The following COL6A3 variants were observed in gnomAD, a reference collection of about 807,000 sequenced individuals.
The protein encoded by COL6A3 is collagen type VI alpha 3 chain, also known as collagen alpha-3(VI) chain.
COL6A3 carries 137 observed loss-of-function variants against 274.1 expected under a neutral mutation model. That is an observed-to-expected ratio of 0.50 (90% CI 0.44 to 0.58). The LOEUF is 0.58. Ranked by LOEUF, COL6A3 falls within the 20% of genes least tolerant of loss-of-function variation. The probability of loss-of-function intolerance (pLI) is 0.00; values close to 1 mark genes in which losing one functional copy is unlikely to be tolerated. For synonymous variants in COL6A3, 1,650 were observed against 1,650.6 expected, an observed-to-expected ratio of 1.00 and a Z score of 0.01; for missense variants, 3,950 against 4,124.9, an observed-to-expected ratio of 0.96 and a Z score of 1.16.
chr2:237,361,068 G>T lies in COL6A3; in HGVS notation c.6210+53C>A. ...GAAATCCACAATGCAATCCCAATGG[G>T]TAAGGATCAAGGAGGGGGTGAAATT... On this transcript the variant is annotated intron_variant, in intron 16 of 43. Transcript: ENST00000295550. This position sits in a 1 kb window ranked among gnomAD's most constrained non-coding sequence, Gnocchi z 5.1. The T allele has an allele frequency of 7.1e-7, 1 of 1,418,196 alleles. No individual in the cohort carries two copies. Among genetic ancestry groups the T allele is most frequent in the Non-Finnish European group, 1.0e-6 (1 of 1,001,336 alleles). The allele number at this position is 1,418,196 out of a possible 1,614,324, so 87.9% of individuals were successfully genotyped here.
At chr2:237,396,629 G>T in intron 2 of COL6A3, 98 bp downstream of exon 2, 1 of 1,232,602 alleles carries the variant, frequency 8.1e-7, no homozygotes, top group Non-Finnish European at 1.2e-6. Context: ...GCTACCTTAA[G>T]AACATATCTA....
At chr2:237,406,846 C>T (rs1004067537) in intron 1 of COL6A3, among the ~76,000 whole-genome samples, 9 of 151,172 alleles carry the variant, frequency 6.0e-5, no homozygotes, top group Non-Finnish European at 1.3e-4. Context: ...AGAAATATAG[C>T]AAATTTTGTT....
rs1288624074 is a variant in COL6A3, at chr2:237,336,424, G to T, written c.8676C>A (p.Thr2892=). 17 of 1,613,560 alleles carry T rather than the reference G, an allele frequency of 1.1e-5. No individual in the cohort carries two copies. Among genetic ancestry groups the T allele is most frequent in the Non-Finnish European group, 1.4e-5 (17 of 1,180,034 alleles). ...TTATAATAGTCACAGGCTTTGTTGT[G>T]GTGGTTACAGGCTTTGTTGTGGTGG... ...PVTTTTKPVT[T]TTKPVTIINQ... The change falls in exon 40 of 44, where the codon ACC becomes ACA. Residue 2892 remains threonine (T), a synonymous_variant. Transcript: ENST00000295550.
rs146131332 is a variant in COL6A3, at chr2:237,340,479, C to T, written c.8437G>A (p.Gly2813Arg). Residue 2813 changes from glycine to arginine, a missense_variant, in exon 38 of 44, where the codon GGG (glycine) becomes AGG (arginine). This residue lies in a region of COL6A3 where 1,284 missense variants were observed against 1,349.7 expected (regional missense o/e 0.95). Coordinates refer to ENST00000295550, the MANE Select transcript of COL6A3 (RefSeq NM_004369.4). Reference sequence around the variant, plus strand: ...CTGACGAAGGATGGCAACAGCCTCCCGAAGCGCATCAAAGGCTCCTCGTTG... The same window carrying T: ...CTGACGAAGGATGGCAACAGCCTCCTGAAGCGCATCAAAGGCTCCTCGTTG... ...ELNEEPLMRFGRLLPSFVSSE... is the reference protein window; with the variant it reads ...ELNEEPLMRFRRLLPSFVSSE... 16 of 1,613,602 alleles carry T rather than the reference C, an allele frequency of 9.9e-6. No homozygotes were observed. Among genetic ancestry groups the T allele is most frequent in the South Asian group, 1.1e-5 (1 of 91,076 alleles).
chr2:237,336,140 G>C lies in COL6A3; in HGVS notation c.8960C>G (p.Pro2987Arg), dbSNP rs1346931957. Reference protein sequence around the residue: ...PAATKPATTKPMVKMSREVQV... With the variant: ...PAATKPATTKRMVKMSREVQV... Reference sequence around the variant, plus strand: ...CCTAGCAAGGGCTTTCTTACCCATGGGCTTAGTGGTGGCTGGCTTGGTGGC... The same window carrying C: ...CCTAGCAAGGGCTTTCTTACCCATGCGCTTAGTGGTGGCTGGCTTGGTGGC... The change falls in exon 40 of 44, where the codon CCC (proline) becomes CGC (arginine). Residue 2987 changes from proline to arginine, a missense_variant. Physicochemically the swap from Pro to Arg is moderately radical, Grantham distance 103 (BLOSUM62 -2). Coordinates refer to ENST00000295550, the MANE Select transcript of COL6A3 (RefSeq NM_004369.4). The C allele has an allele frequency of 6.2e-7, 1 of 1,613,630 alleles. No individual in the cohort carries two copies. The highest frequency in any genetic ancestry group is 1.1e-5 in the South Asian group (1 of 91,076).
In COL6A3 at chr2:237,381,422, T is replaced by C; in HGVS notation, c.1390A>G (p.Ile464Val). ...ATGACTTTAGCAATGAAGTCTCGGA[T>C]GGCATTGAAGTTGGCCAGTCCCAGT... ...SALGLANFNA[I>V]RDFIAKVIQR... The change falls in exon 5 of 44, where the codon ATC (isoleucine) becomes GTC (valine). Residue 464 changes from isoleucine (I) to valine (V), a missense_variant. Around this residue, in one of 5 missense-constraint regions of COL6A3, gnomAD observed 1,934 missense variants for 1,984.3 expected, o/e 0.97. Coordinates refer to ENST00000295550, the MANE Select transcript of COL6A3 (RefSeq NM_004369.4). The C allele has an allele frequency of 6.2e-7, 1 of 1,613,090 alleles. No homozygotes were observed. The highest frequency in any genetic ancestry group is 1.7e-5 in the Admixed American group (1 of 60,026).
In COL6A3 at chr2:237,364,497, C is replaced by G. The variant is rs1162684344; in HGVS notation, c.5839-69G>C. The G allele has an allele frequency of 8.3e-7, 1 of 1,210,544 alleles. No individual in the cohort carries two copies. The highest frequency in any genetic ancestry group is 1.2e-6 in the Non-Finnish European group (1 of 816,008). The allele number at this position is 1,210,544 out of a possible 1,614,324, so 75.0% of individuals were successfully genotyped here. ...AGTGTTGCAGACTGCTGATAGAAAA[C>G]TGAGAGACTCGCTGTCTCAAGCCCT... On this transcript the variant is annotated intron_variant, in intron 12 of 43. Coordinates refer to ENST00000295550, the MANE Select transcript of COL6A3 (RefSeq NM_004369.4). This position sits in a 1 kb window ranked among gnomAD's most constrained non-coding sequence, Gnocchi z 4.6.
intron 25 of COL6A3, 70 bp downstream of exon 25, chr2:237,353,271 G>A: frequency 6.8e-7 from 1 of 1,463,620 alleles, no homozygotes; most frequent in Non-Finnish European, 9.5e-7. Flanking sequence ...GGATATAAAT[G>A]CCACCCAATC....
chr2:237,351,437 T>C (rs1332234853), intron 26 of COL6A3, among the ~76,000 whole-genome samples: 1 of 152,260 alleles, frequency 6.6e-6, no homozygotes, highest in Admixed American at 6.5e-5. Flanking sequence ...TTTTCACAAA[T>C]TAATGCATGT....
chr2:237,384,628 C>T (rs1373573151), intron 4 of COL6A3, among the ~76,000 whole-genome samples: 1 of 152,140 alleles, frequency 6.6e-6, no homozygotes, highest in Non-Finnish European at 1.5e-5. Context: ...TCCTCCCATG[C>T]CTCCTTGGGA....
chr2:237,360,088 C>T lies in COL6A3; in HGVS notation c.6282G>A (p.Lys2094=), dbSNP rs1574976498. 6.2e-7 allele frequency: 1 copy of T among 1,614,146 alleles called. No individual in the cohort carries two copies. The highest frequency in any genetic ancestry group is 8.5e-7 in the Non-Finnish European group (1 of 1,180,022). ...AGCAACCCCATCACCCACGCCTCAC[C>T]TTTACTCCTCTCTGGCCCGGGCAGC... ...FQGCPGQRGV[K]GSRGFPGEKG... Residue 2094 remains lysine (K), a splice_region_variant and synonymous_variant, in exon 17 of 44, where the codon AAG becomes AAA. Coordinates refer to ENST00000295550, the MANE Select transcript of COL6A3 (RefSeq NM_004369.4).
intron 42 of COL6A3, 97 bp from the exon 43 acceptor site, chr2:237,325,821 G>T: frequency 9.4e-7 from 1 of 1,060,374 alleles, no homozygotes; most frequent in Non-Finnish European, 1.4e-6. Context: ...TACTGTGGCA[G>T]AAGGAAAAAA....
At chr2:237,411,626 C>T (rs182675343) in intron 1 of COL6A3, among the ~76,000 whole-genome samples, 24 of 152,258 alleles carry the variant, frequency 1.6e-4, no homozygotes, top group Admixed American at 6.5e-4. Context: ...ACTTTCTCAT[C>T]GGGGACGTAT....
In COL6A3 at chr2:237,340,434, G is replaced by A. The variant is rs1278156112; in HGVS notation, c.8464+18C>T. The A allele has an allele frequency of 6.2e-7, 1 of 1,608,320 alleles. No homozygotes were observed. ...ATAAAGCCAGGCCAGGGCACATGCT[G>A]TGCCACGCAGGACTTACTGCTGACG... On this transcript the variant is annotated intron_variant, in intron 38 of 43. Transcript: ENST00000295550.
chr2:237,356,065 G>A (rs571369730), intron 23 of COL6A3, among the ~76,000 whole-genome samples: 1 of 152,322 alleles, frequency 6.6e-6, no homozygotes, highest in Non-Finnish European at 1.5e-5. Flanking sequence ...AGGGATAGCA[G>A]GCCATTAGAC....
At chr2:237,338,839 A>G (rs887552324) in intron 39 of COL6A3, 176 bp downstream of exon 39, 10 of 596,342 alleles carry the variant, frequency 1.7e-5, no homozygotes, top group African/African-American at 9.3e-5. Context: ...AGCTTGTTAC[A>G]TGGCAAAAGC....
chr2:237,387,157 A>C (rs1478692315), intron 4 of COL6A3, among the ~76,000 whole-genome samples: 1 of 152,186 alleles, frequency 6.6e-6, no homozygotes, highest in African/African-American at 2.4e-5. Context: ...TTGGAAAGAT[A>C]CTCTGTCTAT....
At chr2:237,356,844 G>C (rs2077329127) in intron 23 of COL6A3, 1 of 202,688 alleles carries the variant, frequency 4.9e-6, no homozygotes, top group Admixed American at 5.3e-5. Flanking sequence ...GAGCTATTCT[G>C]CTACAGACAT....
rs374960915 is a variant in COL6A3, at chr2:237,376,997, C to T, written c.2845G>A (p.Ala949Thr). Residue 949 changes from alanine (A) to threonine (T), a missense_variant, in exon 7 of 44, where the codon GCA becomes ACA. Physicochemically the swap from Ala to Thr is moderately conservative, Grantham distance 58. Coordinates refer to ENST00000295550, the MANE Select transcript of COL6A3 (RefSeq NM_004369.4). ...TCCACACGGTCAGATGACCTTCCTG[C>T]GACCAGCAGCACCAGGAACTGAAGC... ...GVLQFLVLLV[A>T]GRSSDRVDGP... is the part of the protein sequence containing the mutation. 18 of 1,614,068 alleles carry T rather than the reference C, an allele frequency of 1.1e-5. No homozygotes were observed. The East Asian group carries it at 1.3e-4, about 12-fold the overall frequency.
Sources: allele counts gnomAD v4.1 joint callset (sites outside exome capture counted in the v4.1 genomes callset), GRCh38; gene constraint gnomAD v4.1.1; regional missense constraint gnomAD v4.1.1; non-coding constraint Gnocchi (gnomAD v3.1); transcripts MANE v1.5; gene names NCBI Gene and HGNC (gene_info 2026-07-23, HGNC 2026-07-21).